Variants in NT5DC3 observed in about 807,000 individuals in gnomAD.
The protein encoded by NT5DC3 is 5'-nucleotidase domain containing 3.
In NT5DC3, 42 loss-of-function variants were observed where a neutral mutation model predicts 67.8. The ratio of observed to expected loss-of-function variants is 0.62; its 90% CI spans 0.48 to 0.80. The LOEUF is 0.80. Ranked by LOEUF, NT5DC3 falls within the 30% of genes least tolerant of loss-of-function variation. The pLI, the probability that NT5DC3 is intolerant of heterozygous loss-of-function variation, is 0.00. For missense variants in NT5DC3, 570 were observed against 696.4 expected, an observed-to-expected ratio of 0.82 and a Z score of 2.04; for synonymous variants, 237 against 255.6, an observed-to-expected ratio of 0.93 and a Z score of 0.69.
intron 1 of NT5DC3, among the ~76,000 whole-genome samples, chr12:103,832,873 G>A (rs188188969): frequency 6.6e-6 from 1 of 152,258 alleles, no homozygotes; most frequent in Admixed American, 6.5e-5. Flanking sequence ...GGAATCCCCT[G>A]AAGTTATATA....
downstream of NT5DC3, among the ~76,000 whole-genome samples, chr12:103,771,660 C>T (rs1400594724): frequency 6.6e-6 from 1 of 152,196 alleles, no homozygotes; most frequent in African/African-American, 2.4e-5. Context: ...CCACTGGGGA[C>T]GGAGGGAAAG....
At chr12:103,755,159 A>G in the NT5DC3 span, 1 of 1,121,822 alleles carries the variant, frequency 8.9e-7, no homozygotes, top group Non-Finnish European at 1.3e-6. Context: ...ATGACCACCT[A>G]CTGTGTGCCA....
chr12:103,813,853 T>G (rs1566119644), intron 2 of NT5DC3, among the ~76,000 whole-genome samples: 1 of 152,234 alleles, frequency 6.6e-6, no homozygotes, highest in African/African-American at 2.4e-5. Flanking sequence ...ATTATATGTC[T>G]GGTACTCGAA....
At chr12:103,822,063 T>C (rs1212181598) in intron 1 of NT5DC3, 1 of 152,206 alleles carries the variant, frequency 6.6e-6, no homozygotes, top group Non-Finnish European at 1.5e-5. Flanking sequence ...GTTTAAAAAT[T>C]TTAAACATTA....
In NT5DC3 at chr12:103,776,120, T is replaced by TA. The variant is rs1267979757; in HGVS notation, c.*1708dup. 2 of 152,140 alleles carry TA rather than the reference T, an allele frequency of 1.3e-5. No homozygotes were observed. Among genetic ancestry groups the TA allele is most frequent in the African/African-American group, 4.8e-5 (2 of 41,424 alleles). 9.4% of individuals were successfully genotyped at this position (152,140 alleles called of 1,614,324 possible). ...ACAGTATTAGCAGCCCCATAACTAA[T>TA]AACAGCAGACATTCCCATAGCACTC... On this transcript the variant is annotated 3_prime_UTR_variant, in exon 14 of 14. Coordinates refer to ENST00000392876, the MANE Select transcript of NT5DC3 (RefSeq NM_001031701.3).
At chr12:103,768,951 C>T (rs113876254), downstream of NT5DC3, 6,304 of 152,156 alleles carry the variant, frequency 0.041, 157 homozygotes, top group South Asian at 0.07. Context: ...CATCGAAGAC[C>T]CAGTGTCTTC....
the NT5DC3 span, chr12:103,750,581 C>T: frequency 6.2e-7 from 1 of 1,614,116 alleles, no homozygotes; most frequent in Non-Finnish European, 8.5e-7. Context: ...CTCCACAGGG[C>T]AAGCACAAGT....
At chr12:103,755,243 A>G in the NT5DC3 span, 2 of 1,588,042 alleles carry the variant, frequency 1.3e-6, no homozygotes, top group African/African-American at 2.7e-5. Context: ...ACATTAACCA[A>G]GTGATGCCAC....
chr12:103,778,076 AT>A lies in NT5DC3; in HGVS notation c.1399del (p.Met467Ter). ...WKKERKEMREMTKSFFNAQFG... is the reference protein window; with the variant it reads ...WKKERKEMREXTKSFFNAQFG... ...CTGGGCATTGAAGAAACTCTTGGTC[AT>A]TTCTCTGAAGAGGCAATAAAAAAGC... On this transcript the variant is annotated frameshift_variant, in exon 14 of 14. Coordinates refer to ENST00000392876, the MANE Select transcript of NT5DC3 (RefSeq NM_001031701.3). LOFTEE classifies it high-confidence loss of function. 1 of 1,605,940 alleles carries A rather than the reference AT, an allele frequency of 6.2e-7. No homozygotes were observed. The highest frequency in any genetic ancestry group is 8.5e-7 in the Non-Finnish European group (1 of 1,175,128).
At position 103,793,243 on chromosome 12, in the gene NT5DC3, C is replaced by G. The variant is rs778169516; in HGVS notation, c.940G>C (p.Val314Leu). The change falls in exon 9 of 14, where the codon GTT becomes CTT. Residue 314 changes from valine (V) to leucine (L), a missense_variant. By Grantham distance (32) the Val-to-Leu change is conservative (BLOSUM62 1). Around this residue, in one of 2 missense-constraint regions of NT5DC3, gnomAD observed 466 missense variants for 608.0 expected, o/e 0.77. Transcript: ENST00000392876. ...SFVDKGMSYI[V>L]GKDWRDLFDV... The stretch of plus-strand genomic sequence containing the variant: ...AACAGGTCCCTCCAGTCTTTCCCAA[C>G]GATATAACTCATCCCTTTGTCCCTA... 1 of 1,610,520 alleles carries G rather than the reference C, an allele frequency of 6.2e-7. No individual in the cohort carries two copies. Among genetic ancestry groups the G allele is most frequent in the Non-Finnish European group, 8.5e-7 (1 of 1,179,066 alleles).
the NT5DC3 span, chr12:103,763,613 G>C: frequency 6.2e-7 from 1 of 1,612,256 alleles, no homozygotes; most frequent in Non-Finnish European, 8.5e-7. Flanking sequence ...TTCACGGTGA[G>C]TTTGCATTCT....
chr12:103,747,343 G>C, the NT5DC3 span, among the ~76,000 whole-genome samples: 1 of 152,148 alleles, frequency 6.6e-6, no homozygotes, highest in South Asian at 2.1e-4. Context: ...GTTTCCTATT[G>C]TCTCATATAA....
At chr12:103,762,402 G>A in the NT5DC3 span, 2 of 1,614,190 alleles carry the variant, frequency 1.2e-6, no homozygotes, top group Non-Finnish European at 1.7e-6. Context: ...AGCATTTTGA[G>A]GTAAGAGAGA....
intron 9 of NT5DC3, among the ~76,000 whole-genome samples, chr12:103,791,694 C>T (rs529284191): frequency 3.9e-4 from 60 of 152,288 alleles, no homozygotes; most frequent in Middle Eastern, 6.8e-3. Context: ...TGTTAGGAAC[C>T]GGGCCGCACA....
downstream of NT5DC3, among the ~76,000 whole-genome samples, chr12:103,768,653 G>A (rs938367951): frequency 6.6e-5 from 9 of 136,610 alleles, no homozygotes; most frequent in African/African-American, 2.2e-4. Flanking sequence ...GAGAGAGAGA[G>A]GGAAAGAGAG....
At chr12:103,752,878 A>T in the NT5DC3 span, among the ~76,000 whole-genome samples, 1 of 152,250 alleles carries the variant, frequency 6.6e-6, no homozygotes, top group Non-Finnish European at 1.5e-5. Flanking sequence ...ATATCAAATT[A>T]AAAATTTACC....
At chr12:103,836,348 G>A (rs769117297) in intron 1 of NT5DC3, among the ~76,000 whole-genome samples, 4 of 152,180 alleles carry the variant, frequency 2.6e-5, no homozygotes, top group African/African-American at 7.2e-5. Flanking sequence ...TCAAAAGCAA[G>A]CTAGTTACTT....
At chr12:103,792,101 G>A (rs11111780) in intron 9 of NT5DC3, among the ~76,000 whole-genome samples, 2,659 of 152,174 alleles carry the variant, frequency 0.017, 92 homozygotes, top group East Asian at 0.17. Flanking sequence ...ATCATGGGAC[G>A]GTTTGCGGCT....
the NT5DC3 span, among the ~76,000 whole-genome samples, chr12:103,754,058 C>A: frequency 6.6e-6 from 1 of 152,140 alleles, no homozygotes; most frequent in African/African-American, 2.4e-5. Context: ...TCACTGGGAG[C>A]AGAGGAGATG....
Sources: allele counts gnomAD v4.1 joint callset (sites outside exome capture counted in the v4.1 genomes callset), GRCh38; gene constraint gnomAD v4.1.1; regional missense constraint gnomAD v4.1.1; transcripts MANE v1.5; gene names NCBI Gene and HGNC (gene_info 2026-07-23, HGNC 2026-07-21).